The following ITPR2 variants were observed in gnomAD, a reference collection of about 807,000 sequenced individuals.
ITPR2 encodes inositol 1,4,5-trisphosphate-gated calcium channel ITPR2.
Under a neutral mutation model 317.1 loss-of-function variants are expected in ITPR2, and 207 were observed. That is an observed-to-expected ratio of 0.65 (90% CI 0.58 to 0.73). ITPR2 has a LOEUF of 0.73. Ranked by LOEUF, ITPR2 falls within the 30% of genes least tolerant of loss-of-function variation. The pLI is 0.00. For synonymous variants in ITPR2, 1,156 were observed against 1,149.1 expected, an observed-to-expected ratio of 1.01 and a Z score of -0.12; for missense variants, 2,613 against 3,284.0, an observed-to-expected ratio of 0.80 and a Z score of 4.99.
Position 26,636,036 on chromosome 12 carries a change from A to C in ITPR2, c.2741-3977T>G, listed in dbSNP as rs192078815. On this transcript the variant is annotated intron_variant, in intron 21 of 56. Transcript: ENST00000381340. ...CTAACCAGCAGTCCCAATTCCAAGT[A>C]AGATCACAGTATTTTGGAAAGCTGG... 1.7e-3 allele frequency among the ~76,000 whole-genome samples: 265 copies of C among 152,324 alleles called. 1 individual carries two copies. Among genetic ancestry groups the C allele is most frequent in the Non-Finnish European group, 2.9e-3 (196 of 68,022 alleles).
intron 35 of ITPR2, among the ~76,000 whole-genome samples, chr12:26,556,791 A>G (rs36120287): frequency 4.2e-5 from 4 of 94,702 alleles, no homozygotes; most frequent in African/African-American, 6.8e-5. Flanking sequence ...AAAAAAAAAA[A>G]ATTCCAGCCA....
intron 39 of ITPR2, among the ~76,000 whole-genome samples, chr12:26,487,705 T>C (rs1474949495): frequency 1.3e-5 from 2 of 152,194 alleles, no homozygotes; most frequent in Non-Finnish European, 2.9e-5. Flanking sequence ...TAATCTAAAG[T>C]GGAAAATAGC....
At chr12:26,484,721 T>A (rs1210306593) in intron 41 of ITPR2, among the ~76,000 whole-genome samples, 1 of 152,148 alleles carries the variant, frequency 6.6e-6, no homozygotes, top group Non-Finnish European at 1.5e-5. Context: ...ATACGATTTT[T>A]TTTTTCTCGA....
chr12:26,395,002 T>C (rs1008123762), intron 54 of ITPR2, among the ~76,000 whole-genome samples: 5 of 151,966 alleles, frequency 3.3e-5, no homozygotes, highest in Non-Finnish European at 7.4e-5. Flanking sequence ...CAGAAAGGGA[T>C]GATGGACTGG....
chr12:26,819,031 C>T (rs1179269411), intron 1 of ITPR2, among the ~76,000 whole-genome samples: 1 of 152,108 alleles, frequency 6.6e-6, no homozygotes, highest in Non-Finnish European at 1.5e-5. Context: ...GGTATCTTCA[C>T]CTCAAAATTG....
At chr12:26,745,510 G>T (rs562619148) in intron 2 of ITPR2, among the ~76,000 whole-genome samples, 2 of 152,324 alleles carry the variant, frequency 1.3e-5, no homozygotes, top group East Asian at 3.9e-4. Context: ...TACCAAGACA[G>T]CTGACTTTCA....
chr12:26,588,735 A>G (rs572672302), intron 32 of ITPR2, among the ~76,000 whole-genome samples: 87 of 152,364 alleles, frequency 5.7e-4, no homozygotes, highest in Middle Eastern at 3.4e-3. Context: ...AAATGGCTCA[A>G]GTTATCTACC....
intron 4 of ITPR2, among the ~76,000 whole-genome samples, chr12:26,722,970 C>T (rs1948862351): frequency 6.6e-6 from 1 of 152,120 alleles, no homozygotes; most frequent in African/African-American, 2.4e-5. Flanking sequence ...AACCCACTTA[C>T]TATTATTAAC....
At chr12:26,356,135 A>G (rs7316578) in intron 55 of ITPR2, among the ~76,000 whole-genome samples, 148,642 of 152,300 alleles carry the variant, frequency 0.98, 72,649 homozygotes, top group Non-Finnish European at 1. Flanking sequence ...GAATATAGCA[A>G]TGACAACTGT....
intron 20 of ITPR2, among the ~76,000 whole-genome samples, chr12:26,655,442 G>A (rs1374123006): frequency 3.3e-5 from 5 of 151,590 alleles, no homozygotes; most frequent in Middle Eastern, 3.2e-3. Context: ...GTGAAACCCC[G>A]TCTCTACTAA....
At chr12:26,609,758 C>A (rs966798518) in intron 26 of ITPR2, among the ~76,000 whole-genome samples, 1 of 151,882 alleles carries the variant, frequency 6.6e-6, no homozygotes, top group Non-Finnish European at 1.5e-5. Context: ...ATAAAATAAC[C>A]AAGTAATTCA....
rs1209464311 is a variant in ITPR2, at chr12:26,494,134, A to C, written c.5370+19T>G. 1.3e-6 allele frequency: 2 copies of C among 1,582,492 alleles called. No individual in the cohort carries two copies. Among genetic ancestry groups the C allele is most frequent in the South Asian group, 2.3e-5 (2 of 87,820 alleles). ...AATACCAATAATAAATGTAATCCCC[A>C]TGATTGATGAACAAGTACCTGTGTT... On this transcript the variant is annotated intron_variant, in intron 39 of 56. Coordinates refer to ENST00000381340, the MANE Select transcript of ITPR2 (RefSeq NM_002223.4).
At chr12:26,657,481 C>A (rs1318280759) in intron 18 of ITPR2, among the ~76,000 whole-genome samples, 1 of 152,204 alleles carries the variant, frequency 6.6e-6, no homozygotes, top group Admixed American at 6.5e-5. Flanking sequence ...ACAATAATTC[C>A]AAGCTAGTGA....
intron 2 of ITPR2, among the ~76,000 whole-genome samples, chr12:26,769,940 G>A (rs187219566): frequency 6.6e-6 from 1 of 152,194 alleles, no homozygotes; most frequent in Admixed American, 6.5e-5. Context: ...CATTTTCCAA[G>A]GGAAATTCTA....
At chr12:26,462,683 T>TC (rs1266069188) in intron 45 of ITPR2, among the ~76,000 whole-genome samples, 1 of 151,564 alleles carries the variant, frequency 6.6e-6, no homozygotes, top group South Asian at 2.1e-4. Flanking sequence ...CTTTTTTTTT[T>TC]TTTTTTGAGA....
intron 26 of ITPR2, among the ~76,000 whole-genome samples, chr12:26,617,956 C>T (rs4964006): frequency 0.72 from 110,230 of 152,066 alleles, 40,159 homozygotes; most frequent in East Asian, 0.95. Context: ...ACGGTAGAAG[C>T]TCTATTTAAG....
chr12:26,754,389 T>C (rs774578324), intron 2 of ITPR2, among the ~76,000 whole-genome samples: 5 of 152,234 alleles, frequency 3.3e-5, no homozygotes, highest in African/African-American at 4.8e-5. Context: ...AGCTCTTATC[T>C]GCACTTCTGT....
chr12:26,705,225 C>G (rs1169429482), intron 9 of ITPR2, among the ~76,000 whole-genome samples: 1 of 152,160 alleles, frequency 6.6e-6, no homozygotes, highest in Non-Finnish European at 1.5e-5. Flanking sequence ...TTCCTGGCTT[C>G]CTGGTCATTC....
chr12:26,503,050 T>G (rs1943107487), intron 37 of ITPR2, among the ~76,000 whole-genome samples: 2 of 152,236 alleles, frequency 1.3e-5, no homozygotes, highest in South Asian at 2.1e-4. Context: ...TCAACAGTAG[T>G]GCAGTCCTTG....
Sources: allele counts gnomAD v4.1 joint callset (sites outside exome capture counted in the v4.1 genomes callset), GRCh38; gene constraint gnomAD v4.1.1; transcripts MANE v1.5; gene names NCBI Gene and HGNC (gene_info 2026-07-23, HGNC 2026-07-21).